The following ACOT9 variants were observed in gnomAD, a reference collection of about 807,000 sequenced individuals.
ACOT9 encodes the protein acyl-coenzyme A thioesterase 9, mitochondrial.
In ACOT9, 34 loss-of-function variants were observed where a neutral mutation model predicts 39.7. The ratio of observed to expected loss-of-function variants is 0.86; its 90% CI spans 0.65 to 1.14. The LOEUF (loss-of-function observed/expected upper bound fraction) is 1.14. Ranked by LOEUF, ACOT9 falls within the 50% of genes most tolerant of loss-of-function variation. The probability of loss-of-function intolerance (pLI) is 0.00; values close to 1 mark genes in which losing one functional copy is unlikely to be tolerated. For missense variants in ACOT9, 313 were observed against 344.1 expected (o/e 0.91, Z 0.71); for synonymous variants, 110 against 120.5 (o/e 0.91, Z 0.57).
intron 12 of ACOT9, 65 bp from the exon 13 acceptor site, chrX:23,705,659 G>A: frequency 3.5e-6 from 4 of 1,128,876 alleles, no homozygotes; most frequent in Non-Finnish European, 4.9e-6. Context: ...ACAGAACAGA[G>A]GAATTAACAA....
intron 1 of ACOT9, among the ~76,000 whole-genome samples, chrX:23,737,887 T>TG (rs750180443): frequency 9.6e-6 from 1 of 103,874 alleles, no homozygotes; most frequent in Non-Finnish European, 2.0e-5. Flanking sequence ...TTTTTTTTTT[T>TG]AGACAGAGTC....
chrX:23,708,128 A>G (rs1370793664), intron 9 of ACOT9, among the ~76,000 whole-genome samples, 184 bp from the exon 10 acceptor site: 8 of 112,496 alleles, frequency 7.1e-5, no homozygotes, highest in African/African-American at 2.6e-4. Context: ...TTAATTGCAC[A>G]CTAGAAACTT....
intron 3 of ACOT9, 22 bp downstream of exon 3, chrX:23,734,319 T>C (rs985715057): frequency 8.4e-7 from 1 of 1,185,996 alleles, no homozygotes; most frequent in East Asian, 3.0e-5. Context: ...AAAGAAAAGC[T>C]GATACTAATT....
At chrX:23,740,717 T>TACACATACAC (rs1555941651) in intron 1 of ACOT9, among the ~76,000 whole-genome samples, 3 of 92,061 alleles carry the variant, frequency 3.3e-5, no homozygotes, top group Admixed American at 1.3e-4. Context: ...CCCCAATACA[T>TACACATACAC]ACACACACAC....
chrX:23,706,048 T>C (rs1356701939), intron 11 of ACOT9, among the ~76,000 whole-genome samples, 190 bp from the exon 12 acceptor site: 1 of 111,702 alleles, frequency 9.0e-6, no homozygotes, highest in Non-Finnish European at 1.9e-5. Context: ...GCAGATCACA[T>C]GAGGTCAGGA....
intron 8 of ACOT9, among the ~76,000 whole-genome samples, chrX:23,718,721 C>T (rs1319518813): frequency 5.5e-5 from 6 of 108,664 alleles, no homozygotes; most frequent in Non-Finnish European, 9.5e-5. Flanking sequence ...CTGGCTAACA[C>T]GGTGAAACCC....
chrX:23,730,458 C>A, intron 6 of ACOT9, 69 bp downstream of exon 6: 3 of 838,360 alleles, frequency 3.6e-6, no homozygotes, highest in Admixed American at 4.9e-5. Flanking sequence ...ATAAAAGAGC[C>A]CTTTCCAGTC....
chrX:23,720,441 G>C (rs148665679), intron 8 of ACOT9, among the ~76,000 whole-genome samples: 1 of 111,453 alleles, frequency 9.0e-6, no homozygotes, highest in African/African-American at 3.3e-5. Flanking sequence ...GGTCATGCCG[G>C]AGTAGCGTGG....
intron 9 of ACOT9, 122 bp from the exon 10 acceptor site, chrX:23,708,066 T>C (rs1483803623): frequency 1.8e-6 from 1 of 566,755 alleles, no homozygotes; most frequent in Non-Finnish European, 2.8e-6. Context: ...TGCTTACTGC[T>C]TGCCTTACAT....
chrX:23,722,100 T>G, intron 7 of ACOT9, 116 bp from the exon 8 acceptor site: 1 of 431,884 alleles, frequency 2.3e-6, no homozygotes, highest in Non-Finnish European at 3.8e-6. Context: ...TCTTCAAAAC[T>G]AAAATAACTT....
At chrX:23,709,945 T>C (rs1928835307) in intron 9 of ACOT9, among the ~76,000 whole-genome samples, 1 of 112,192 alleles carries the variant, frequency 8.9e-6, no homozygotes, top group Non-Finnish European at 1.9e-5. Flanking sequence ...TGGCGTGCAG[T>C]GGTGCGACCT....
intron 10 of ACOT9, 26 bp downstream of exon 10, chrX:23,707,851 A>C (rs201946057): frequency 9.0e-7 from 1 of 1,109,639 alleles, no homozygotes; most frequent in East Asian, 3.1e-5. Context: ...TTTCAAATTT[A>C]TTTTATTATA....
chrX:23,729,838 A>G (rs1328614112), intron 6 of ACOT9, among the ~76,000 whole-genome samples: 1 of 110,554 alleles, frequency 9.0e-6, no homozygotes, highest in Non-Finnish European at 1.9e-5. Context: ...TCACCATGTT[A>G]GCCAGGATGG....
At position 23,739,547 on chromosome X, in the gene ACOT9, T is replaced by G. The variant is rs1382641857; in HGVS notation, c.21-3531A>C. ...CAGGCTGGGCACAATGGCTCACGCC[T>G]GTAATCCCAGCACTTTGAGAGGCCA... On this transcript the variant is annotated intron_variant, in intron 1 of 15. Transcript: ENST00000379303. 2.7e-5 allele frequency among the ~76,000 whole-genome samples: 3 copies of G among 111,865 alleles called. No individual in the cohort carries two copies. The East Asian group carries it at 8.4e-4, about 31-fold the overall frequency.
intron 2 of ACOT9, 152 bp downstream of exon 2, chrX:23,735,767 G>A (rs1483924371): frequency 1.9e-5 from 8 of 428,463 alleles, no homozygotes; most frequent in African/African-American, 7.5e-5. Flanking sequence ...ATATTATGCA[G>A]CTATCCTGGT....
intron 4 of ACOT9, among the ~76,000 whole-genome samples, chrX:23,731,513 G>C (rs1929754254): frequency 9.4e-6 from 1 of 106,715 alleles, no homozygotes; most frequent in Non-Finnish European, 1.9e-5. Flanking sequence ...AACTGATATA[G>C]ATATACCCAA....
At chrX:23,706,916 G>T (rs1601803579) in intron 10 of ACOT9, 177 bp from the exon 11 acceptor site, 1 of 389,473 alleles carries the variant, frequency 2.6e-6, no homozygotes, top group Non-Finnish European at 4.5e-6. Flanking sequence ...AATTATATTG[G>T]TTCAGTGTGA....
At chrX:23,729,705 C>T (rs190638916) in intron 6 of ACOT9, among the ~76,000 whole-genome samples, 7 of 111,815 alleles carry the variant, frequency 6.3e-5, no homozygotes, top group Non-Finnish European at 1.3e-4. Context: ...GATCTCGGCT[C>T]AATGCAACCT....
At position 23,703,615 on chromosome X, in the gene ACOT9, G is replaced by T; in HGVS notation, c.*279C>A. ...TTATAGGCATGAGCCACCACGCCCA[G>T]CCTCTCAATTTTTTTGTTTTTTCAG... is the stretch of plus-strand genomic sequence containing the variant. On this transcript the variant is annotated 3_prime_UTR_variant, in exon 16 of 16. Coordinates refer to ENST00000379303, the MANE Select transcript of ACOT9 (RefSeq NM_001037171.2). 1 of 228,944 alleles carries T rather than the reference G, an allele frequency of 4.4e-6. No individual in the cohort carries two copies. The highest frequency in any genetic ancestry group is 9.5e-5 in the East Asian group (1 of 10,559). 18.9% of individuals were successfully genotyped at this position (228,944 alleles called of 1,213,427 possible). A position where few individuals can be genotyped will look rare whatever the true frequency, so the allele number is the denominator to read the frequency against.
Sources: allele counts gnomAD v4.1 joint callset (sites outside exome capture counted in the v4.1 genomes callset), GRCh38; gene constraint gnomAD v4.1.1; transcripts MANE v1.5; gene names NCBI Gene and HGNC (gene_info 2026-07-23, HGNC 2026-07-21).